The following DPP6 variants were observed in gnomAD, a reference collection of about 807,000 sequenced individuals.
The protein encoded by DPP6 is dipeptidyl peptidase like 6.
Under a neutral mutation model 122.6 loss-of-function variants are expected in DPP6, and 69 were observed. The observed-to-expected ratio is 0.56, with a 90% confidence interval of 0.46 to 0.69. The LOEUF (loss-of-function observed/expected upper bound fraction) is 0.69, where lower values mean the gene tolerates loss of function less well. Ranked by LOEUF, DPP6 falls within the 30% of genes least tolerant of loss-of-function variation. The pLI is 0.00. For synonymous variants in DPP6, 418 were observed against 433.1 expected (o/e 0.97, Z 0.43); for missense variants, 928 against 1,116.9 (o/e 0.83, Z 2.41).
At chr7:154,587,336 A>T in intron 5 of DPP6, 1 of 400,866 alleles carries the variant, frequency 2.5e-6, no homozygotes. Flanking sequence ...TTAGAACCTT[A>T]TTCCTCCCCC....
intron 1 of DPP6, among the ~76,000 whole-genome samples, chr7:154,023,318 G>GCACGCACGCA (rs373378162): frequency 0.016 from 2,066 of 129,596 alleles, 31 homozygotes; most frequent in South Asian, 0.043. Flanking sequence ...TTTCTTGTCT[G>GCACGCACGCA]CACACACACA....
At chr7:154,503,650 G>A (rs1202791125) in intron 3 of DPP6, among the ~76,000 whole-genome samples, 1 of 149,234 alleles carries the variant, frequency 6.7e-6, no homozygotes, top group Non-Finnish European at 1.5e-5. Flanking sequence ...AGAAACCTGT[G>A]ACCCTCATAG....
chr7:154,478,298 C>T (rs1822931351), intron 3 of DPP6, among the ~76,000 whole-genome samples: 1 of 152,096 alleles, frequency 6.6e-6, no homozygotes, highest in Non-Finnish European at 1.5e-5. Context: ...TGAGTGCCCA[C>T]AGTGTAGCAG....
chr7:154,262,853 C>G (rs1411595870), intron 1 of DPP6, among the ~76,000 whole-genome samples: 1 of 152,138 alleles, frequency 6.6e-6, no homozygotes, highest in Non-Finnish European at 1.5e-5. Flanking sequence ...TATGGTTTAA[C>G]TGTATTTTTC....
intron 1 of DPP6, among the ~76,000 whole-genome samples, chr7:154,316,299 C>T (rs925378592): frequency 4.6e-5 from 7 of 152,190 alleles, no homozygotes; most frequent in African/African-American, 1.7e-4. Flanking sequence ...AGCCACCAGC[C>T]ATGCATCAAC....
chr7:154,531,805 A>G (rs1375438225), intron 3 of DPP6, among the ~76,000 whole-genome samples: 1 of 152,194 alleles, frequency 6.6e-6, no homozygotes, highest in African/African-American at 2.4e-5. Flanking sequence ...ACAGGTTTCT[A>G]TAGTTAATAA....
At chr7:154,228,928 G>T (rs1800762358) in intron 1 of DPP6, among the ~76,000 whole-genome samples, 2 of 152,168 alleles carry the variant, frequency 1.3e-5, no homozygotes, top group African/African-American at 4.8e-5. Flanking sequence ...GAAACAAAAA[G>T]AGGTCAAATG....
chr7:154,230,119 C>G (rs1049754387), intron 1 of DPP6, among the ~76,000 whole-genome samples: 2 of 152,100 alleles, frequency 1.3e-5, no homozygotes, highest in African/African-American at 4.8e-5. Context: ...ATTTCCTTCT[C>G]TGCACCCTCC....
At chr7:154,838,524 AGAACGT>A (rs112096673) in intron 16 of DPP6, 58 of 152,398 alleles carry the variant, frequency 3.8e-4, no homozygotes, top group African/African-American at 1.3e-3. Context: ...GGAATAGCAC[AGAACGT>A]GTACGTGGCT....
chr7:154,514,105 C>T (rs981571705), intron 3 of DPP6, among the ~76,000 whole-genome samples: 2 of 152,068 alleles, frequency 1.3e-5, no homozygotes, highest in African/African-American at 2.4e-5. Context: ...GAAACCCTGT[C>T]TCTACTAAAA....
chr7:154,225,407 G>A (rs1006052050), intron 1 of DPP6, among the ~76,000 whole-genome samples: 1 of 152,058 alleles, frequency 6.6e-6, no homozygotes, highest in Non-Finnish European at 1.5e-5. Context: ...AGCAAATCAT[G>A]TTACCTCTCT....
At chr7:154,158,259 C>T (rs1278024459) in intron 1 of DPP6, among the ~76,000 whole-genome samples, 1 of 151,220 alleles carries the variant, frequency 6.6e-6, no homozygotes, top group African/African-American at 2.4e-5. Context: ...ATCTCAATAA[C>T]TACCCAACCC....
the DPP6 span, among the ~76,000 whole-genome samples, chr7:153,792,832 A>T: frequency 1.3e-5 from 2 of 152,020 alleles, no homozygotes; most frequent in African/African-American, 4.8e-5. Flanking sequence ...TAACTGAATC[A>T]TGGGGGCCAG....
intron 2 of DPP6, among the ~76,000 whole-genome samples, chr7:154,454,419 A>G (rs946875945): frequency 1.3e-5 from 2 of 152,248 alleles, no homozygotes; most frequent in African/African-American, 4.8e-5. Context: ...GATATTCATT[A>G]TGATGGTCCA....
At chr7:153,796,936 G>T in the DPP6 span, among the ~76,000 whole-genome samples, 1 of 152,178 alleles carries the variant, frequency 6.6e-6, no homozygotes, top group African/African-American at 2.4e-5. Context: ...TCAAAACTGG[G>T]TTACAAGAAG....
Position 154,875,160 on chromosome 7 carries a change from G to A in DPP6, c.1884-746G>A, listed in dbSNP as rs1804744909. On this transcript the variant is annotated intron_variant, in intron 19 of 25. Coordinates refer to ENST00000377770, the MANE Select transcript of DPP6 (RefSeq NM_130797.4). The surrounding 1 kb of genome is among the most constrained non-coding windows in gnomAD (Gnocchi z 4.5). Reference sequence around the variant, plus strand: ...GAGAGAGAGAGAAGGAAAGAAGGAGGGGAGGGAGGGAGGAAGGGAGGGAAC... The same window carrying A: ...GAGAGAGAGAGAAGGAAAGAAGGAGAGGAGGGAGGGAGGAAGGGAGGGAAC... Among the ~76,000 whole-genome samples the A allele has an allele frequency of 6.6e-6, 1 of 152,066 alleles. No homozygotes were observed. Among genetic ancestry groups the A allele is most frequent in the Non-Finnish European group, 1.5e-5 (1 of 68,008 alleles).
chr7:154,505,403 T>C (rs1312188730), intron 3 of DPP6, among the ~76,000 whole-genome samples: 1 of 152,198 alleles, frequency 6.6e-6, no homozygotes, highest in Non-Finnish European at 1.5e-5. Flanking sequence ...TGCATCACTG[T>C]TAGACAAAAT....
intron 6 of DPP6, among the ~76,000 whole-genome samples, chr7:154,648,639 G>T (rs558745844): frequency 6.6e-6 from 1 of 152,260 alleles, no homozygotes; most frequent in African/African-American, 2.4e-5. Flanking sequence ...CACGCTTTCG[G>T]CCGGGCGTGG....
At chr7:154,485,448 A>C (rs766417728) in intron 3 of DPP6, among the ~76,000 whole-genome samples, 1 of 152,166 alleles carries the variant, frequency 6.6e-6, no homozygotes, top group Non-Finnish European at 1.5e-5. Context: ...GAACCCAATC[A>C]TGTCTCTGAC....
Sources: gnomAD v4.1 joint callset for allele counts (sites outside exome capture counted in the v4.1 genomes callset) on GRCh38, gnomAD v4.1.1 for gene constraint, Gnocchi (gnomAD v3.1) non-coding constraint, MANE v1.5 for transcripts, NCBI Gene and HGNC (gene_info 2026-07-23, HGNC 2026-07-21) for gene names.